Variants in MYO16 observed in about 807,000 individuals in gnomAD.
MYO16 encodes myosin XVI.
MYO16 carries 94 observed loss-of-function variants against 205.3 expected under a neutral mutation model. That is an observed-to-expected ratio of 0.46 (90% CI 0.39 to 0.54). The LOEUF (loss-of-function observed/expected upper bound fraction) is 0.54. MYO16 is among the 20% of genes least tolerant of loss of function. MYO16 has a pLI of 0.00. For missense variants in MYO16, 2,315 were observed against 2,387.5 expected (o/e 0.97, Z 0.63); for synonymous variants, 988 against 954.0 (o/e 1.04, Z -0.66).
intron 30 of MYO16, among the ~76,000 whole-genome samples, chr13:109,126,097 CTTG>C (rs1296924106): frequency 3.3e-5 from 5 of 152,164 alleles, no homozygotes; most frequent in Non-Finnish European, 5.9e-5. Flanking sequence ...TTGGTAATAT[CTTG>C]TTGTTTCTCA....
At position 109,176,577 on chromosome 13, in the gene MYO16, T is replaced by TAAAAAAAAAAAAAAAAAAAAAAAA. The variant is rs36054088; in HGVS notation, c.5324-2964_5324-2941dup. Among the ~76,000 whole-genome samples, 47 of 44,942 alleles carry TAAAAAAAAAAAAAAAAAAAAAAAA rather than the reference T, an allele frequency of 1.0e-3. 4 individuals carry two copies. The highest frequency in any genetic ancestry group is 1.6e-3 in the East Asian group (1 of 634). 29.5% of individuals were successfully genotyped at this position (44,942 alleles called of 152,430 possible). ...GCAGCTAAATAAAATATTGTGCTGG[T>TAAAAAAAAAAAAAAAAAAAAAAAA]AAAAAAAAAAAAAAAAAAAAAAAAG... On this transcript the variant is annotated intron_variant, in intron 33 of 34. Transcript: ENST00000457511.
chr13:108,831,181 T>C (rs80258002), intron 9 of MYO16, among the ~76,000 whole-genome samples: 15,316 of 152,096 alleles, frequency 0.1, 961 homozygotes, highest in South Asian at 0.19. Flanking sequence ...TGGGTTTCAA[T>C]AGATAAATGT....
intron 32 of MYO16, among the ~76,000 whole-genome samples, chr13:109,152,466 G>A (rs1391424586): frequency 2.0e-5 from 3 of 152,118 alleles, no homozygotes; most frequent in South Asian, 2.1e-4. Flanking sequence ...GTAGGGGGTC[G>A]CCACCATTCA....
rs1881697749 is a variant in MYO16 at position 108,665,846 on chromosome 13, A to G, written c.29-40A>G. 2 of 1,588,154 alleles carry G rather than the reference A, an allele frequency of 1.3e-6. 1 individual carries two copies. The highest frequency in any genetic ancestry group is 2.3e-5 in the South Asian group (2 of 87,742). On this transcript the variant is annotated intron_variant, in intron 1 of 34. Coordinates refer to ENST00000457511, the MANE Select transcript of MYO16 (RefSeq NM_001198950.3). ...TGTGGTGCACACTTATAGTGGTTATAATAATAGGTCTGGTGACGCTCCCCT... is the reference window on the plus strand; with the variant it reads ...TGTGGTGCACACTTATAGTGGTTATGATAATAGGTCTGGTGACGCTCCCCT...
At chr13:108,664,275 C>G (rs115863291) in intron 1 of MYO16, among the ~76,000 whole-genome samples, 2,104 of 152,256 alleles carry the variant, frequency 0.014, 41 homozygotes, top group African/African-American at 0.045. Flanking sequence ...TTCCTACATC[C>G]TATGTAAAAG....
intron 16 of MYO16, among the ~76,000 whole-genome samples, chr13:108,936,618 TA>T (rs1392809289): frequency 2.6e-5 from 4 of 152,144 alleles, no homozygotes; most frequent in Non-Finnish European, 4.4e-5. Context: ...ATATTTTATC[TA>T]ATATAAGAAT....
intron 27 of MYO16, among the ~76,000 whole-genome samples, chr13:109,080,767 G>A (rs971456878): frequency 1.2e-4 from 18 of 152,022 alleles, no homozygotes; most frequent in Non-Finnish European, 1.8e-4. Context: ...TGAGCATAGA[G>A]GGATACGCTT....
At chr13:108,575,316 C>A in the MYO16 span, among the ~76,000 whole-genome samples, 14 of 152,160 alleles carry the variant, frequency 9.2e-5, no homozygotes, top group Non-Finnish European at 1.3e-4. Context: ...CCTTCTTGAC[C>A]TGTATGGGTC....
chr13:108,938,043 G>T (rs899166412), intron 16 of MYO16, among the ~76,000 whole-genome samples: 2 of 151,642 alleles, frequency 1.3e-5, no homozygotes, highest in East Asian at 1.9e-4. Flanking sequence ...TTATGCATGT[G>T]TTTTTTTTCT....
At chr13:108,565,885 A>G in the MYO16 span, among the ~76,000 whole-genome samples, 1 of 151,840 alleles carries the variant, frequency 6.6e-6, no homozygotes, top group Non-Finnish European at 1.5e-5. Context: ...GGTTTTTATC[A>G]TGAAGGGACG....
chr13:108,811,814 G>T (rs922621959), intron 7 of MYO16, among the ~76,000 whole-genome samples: 1 of 152,104 alleles, frequency 6.6e-6, no homozygotes, highest in African/African-American at 2.4e-5. Context: ...TAACCCATCA[G>T]CCTCTAACAG....
chr13:108,718,904 C>T (rs1884052543), intron 3 of MYO16, among the ~76,000 whole-genome samples: 1 of 152,040 alleles, frequency 6.6e-6, no homozygotes. Flanking sequence ...TGACTCCCTG[C>T]ATGCATGGCT....
intron 14 of MYO16, among the ~76,000 whole-genome samples, chr13:108,888,858 C>T (rs565568120): frequency 9.9e-5 from 15 of 152,098 alleles, no homozygotes; most frequent in East Asian, 1.9e-4. Context: ...AGTTCGAGAT[C>T]GGCCTGGCCA....
chr13:109,039,394 A>G (rs752581746), intron 23 of MYO16, among the ~76,000 whole-genome samples: 1 of 152,220 alleles, frequency 6.6e-6, no homozygotes, highest in Non-Finnish European at 1.5e-5. Flanking sequence ...AGCAGAACTC[A>G]TATTCTTTTC....
chr13:108,721,863 G>A (rs555100131), intron 3 of MYO16, among the ~76,000 whole-genome samples: 48 of 152,240 alleles, frequency 3.2e-4, no homozygotes, highest in African/African-American at 9.1e-4. Flanking sequence ...GGCTGGGTTC[G>A]CATCATTCCA....
intron 17 of MYO16, among the ~76,000 whole-genome samples, chr13:108,959,269 T>G: frequency 6.6e-6 from 1 of 152,242 alleles, no homozygotes; most frequent in Non-Finnish European, 1.5e-5. Context: ...CTGGCACTGT[T>G]CTGTCTTTGC....
chr13:108,544,278 A>G, the MYO16 span, among the ~76,000 whole-genome samples: 2 of 152,298 alleles, frequency 1.3e-5, no homozygotes, highest in East Asian at 3.9e-4. Flanking sequence ...AGGAACAATC[A>G]CCAGATGTTG....
At chr13:108,915,724 C>T (rs907275103) in intron 16 of MYO16, among the ~76,000 whole-genome samples, 1 of 152,168 alleles carries the variant, frequency 6.6e-6, no homozygotes, top group Non-Finnish European at 1.5e-5. Flanking sequence ...TTCTGAATCT[C>T]TTTTTGTATT....
At chr13:108,881,400 G>A (rs1232013996) in intron 12 of MYO16, among the ~76,000 whole-genome samples, 4 of 152,168 alleles carry the variant, frequency 2.6e-5, no homozygotes, top group Admixed American at 1.3e-4. Flanking sequence ...CCAAAGGAAC[G>A]CAGCTCCTCG....
Sources: allele counts gnomAD v4.1 joint callset (sites outside exome capture counted in the v4.1 genomes callset), GRCh38; gene constraint gnomAD v4.1.1; transcripts MANE v1.5; gene names NCBI Gene and HGNC (gene_info 2026-07-23, HGNC 2026-07-21).